Variants in AFF3 observed in about 807,000 individuals in gnomAD.
The protein encoded by AFF3 is AF4/FMR2 family member 3.
Under a neutral mutation model 129.7 loss-of-function variants are expected in AFF3, and 32 were observed. The observed-to-expected ratio is 0.25, with a 90% CI of 0.19 to 0.33. AFF3 has a LOEUF of 0.33. AFF3 is among the 10% of genes least tolerant of loss of function. AFF3 has a pLI of 1.00. For synonymous variants in AFF3, 644 were observed against 635.4 expected, an observed-to-expected ratio of 1.01 and a Z score of -0.20; for missense variants, 1,373 against 1,592.0, an observed-to-expected ratio of 0.86 and a Z score of 2.34.
At chr2:99,949,590 A>C (rs929627046) in intron 7 of AFF3, among the ~76,000 whole-genome samples, 1 of 151,964 alleles carries the variant, frequency 6.6e-6, no homozygotes, top group Non-Finnish European at 1.5e-5. Flanking sequence ...GATGGGAGAC[A>C]GTGGCAGATC....
chr2:100,010,777 G>T (rs900098450), intron 4 of AFF3, among the ~76,000 whole-genome samples: 1 of 152,112 alleles, frequency 6.6e-6, no homozygotes, highest in African/African-American at 2.4e-5. Flanking sequence ...CCAGTAGAGG[G>T]TATGATGGTC....
At chr2:100,035,139 C>T (rs1461101855) in intron 4 of AFF3, among the ~76,000 whole-genome samples, 18 of 152,206 alleles carry the variant, frequency 1.2e-4, no homozygotes, top group Admixed American at 1.2e-3. Context: ...ATTTTAGTCT[C>T]TGGGCACCTG....
At chr2:99,652,632 C>G (rs150957700) in intron 12 of AFF3, among the ~76,000 whole-genome samples, 1 of 151,904 alleles carries the variant, frequency 6.6e-6, no homozygotes, top group Non-Finnish European at 1.5e-5. Context: ...TTGGAGAGTC[C>G]GACATTCTGG....
At chr2:99,790,880 C>G (rs544655482) in intron 8 of AFF3, among the ~76,000 whole-genome samples, 1 of 152,284 alleles carries the variant, frequency 6.6e-6, no homozygotes, top group South Asian at 2.1e-4. Context: ...TGTACAACAA[C>G]CCAAACCGAA....
intron 7 of AFF3, among the ~76,000 whole-genome samples, chr2:99,966,754 T>C (rs1255767515): frequency 1.4e-5 from 2 of 141,716 alleles, no homozygotes; most frequent in Non-Finnish European, 3.1e-5. Context: ...ATATAATCAG[T>C]AAAATTCAAT....
chr2:99,819,071 C>T (rs892719742), intron 8 of AFF3, among the ~76,000 whole-genome samples: 1 of 152,170 alleles, frequency 6.6e-6, no homozygotes, highest in East Asian at 1.9e-4. Context: ...ATTTACCTGG[C>T]GTATGCACCT....
rs540033822 is a variant in AFF3, at chr2:99,734,682, G to T, written c.1040-7554C>A. The stretch of plus-strand genomic sequence containing the variant: ...ATTAATCATGTTAATATTATAAAAA[G>T]GATCCAATTTTGAATTCCTAAAATA... On this transcript the variant is annotated intron_variant, in intron 10 of 24. Coordinates refer to ENST00000672756, the MANE Select transcript of AFF3 (RefSeq NM_001386135.1). Among the ~76,000 whole-genome samples the T allele has an allele frequency of 4.2e-3, 642 of 151,620 alleles. 3 individuals carry two copies. Among genetic ancestry groups the T allele is most frequent in the African/African-American group, 0.015 (610 of 41,374 alleles).
At chr2:100,015,635 G>A (rs1682951629) in intron 4 of AFF3, among the ~76,000 whole-genome samples, 1 of 152,152 alleles carries the variant, frequency 6.6e-6, no homozygotes, top group African/African-American at 2.4e-5. Flanking sequence ...TTTTAAATTA[G>A]AGTAAAGCAA....
intron 11 of AFF3, 74 bp from the exon 12 acceptor site, chr2:99,672,663 T>A (rs907178803): frequency 2.5e-5 from 35 of 1,394,070 alleles, no homozygotes; most frequent in Admixed American, 1.0e-4. Flanking sequence ...CACCAAAATA[T>A]CACCTTAATG....
chr2:100,012,641 C>T (rs1460083063), intron 4 of AFF3, among the ~76,000 whole-genome samples: 1 of 152,198 alleles, frequency 6.6e-6, no homozygotes, highest in Non-Finnish European at 1.5e-5. Flanking sequence ...CTCTTCATCT[C>T]TTGCCATGAA....
intron 13 of AFF3, among the ~76,000 whole-genome samples, chr2:99,609,319 G>A (rs1680688426): frequency 6.6e-6 from 1 of 151,560 alleles, no homozygotes; most frequent in Non-Finnish European, 1.5e-5. Flanking sequence ...TGAGATTTTG[G>A]TGCACCCATC....
At chr2:100,002,012 T>C (rs1170604098) in intron 7 of AFF3, among the ~76,000 whole-genome samples, 1 of 152,220 alleles carries the variant, frequency 6.6e-6, no homozygotes, top group African/African-American at 2.4e-5. Context: ...CACGCTGTCC[T>C]GAGGGACGTG....
At chr2:99,615,802 C>T (rs1364375552) in intron 13 of AFF3, among the ~76,000 whole-genome samples, 4 of 152,244 alleles carry the variant, frequency 2.6e-5, no homozygotes, top group Non-Finnish European at 5.9e-5. Context: ...AGCGAATAAC[C>T]TCAGCAGTGT....
chr2:99,850,405 C>T (rs1220488104), intron 7 of AFF3, among the ~76,000 whole-genome samples: 1 of 152,178 alleles, frequency 6.6e-6, no homozygotes, highest in Admixed American at 6.5e-5. Context: ...ATGGACCACA[C>T]TGGATGCCTC....
At chr2:100,021,886 C>T (rs1167165561) in intron 4 of AFF3, among the ~76,000 whole-genome samples, 1 of 152,242 alleles carries the variant, frequency 6.6e-6, no homozygotes, top group Non-Finnish European at 1.5e-5. Flanking sequence ...AAAGTTTATG[C>T]TTTTCAATTT....
intron 13 of AFF3, among the ~76,000 whole-genome samples, chr2:99,603,433 G>T (rs1010254890): frequency 6.6e-6 from 1 of 152,096 alleles, no homozygotes; most frequent in African/African-American, 2.4e-5. Context: ...GCCATATGCA[G>T]AAGACTGAAA....
chr2:99,760,369 T>G (rs1682473893), intron 8 of AFF3, among the ~76,000 whole-genome samples: 1 of 152,232 alleles, frequency 6.6e-6, no homozygotes. Context: ...AAAATGTCCC[T>G]AAGTTTTTTC....
chr2:100,132,349 G>C (rs913399016), intron 1 of AFF3, among the ~76,000 whole-genome samples: 1 of 152,166 alleles, frequency 6.6e-6, no homozygotes, highest in Non-Finnish European at 1.5e-5. Flanking sequence ...AAAGCATCAT[G>C]CTATGTGCCA....
intron 11 of AFF3, among the ~76,000 whole-genome samples, chr2:99,719,397 G>A (rs2104934980): frequency 6.6e-6 from 1 of 152,200 alleles, no homozygotes; most frequent in East Asian, 1.9e-4. Flanking sequence ...AAACATTGAT[G>A]GGATATTGTA....
Sources: gnomAD v4.1 joint callset for allele counts (sites outside exome capture counted in the v4.1 genomes callset) on GRCh38, gnomAD v4.1.1 for gene constraint, MANE v1.5 for transcripts, NCBI Gene and HGNC (gene_info 2026-07-23, HGNC 2026-07-21) for gene names.